The following IGSF11 variants were observed in gnomAD, a reference collection of about 807,000 sequenced individuals.
The protein encoded by IGSF11 is CXADR like 1.
IGSF11 carries 22 observed loss-of-function variants against 41.0 expected under a neutral mutation model. That is an observed-to-expected ratio of 0.54 (90% CI 0.38 to 0.77). IGSF11 has a LOEUF of 0.77. IGSF11 is among the 30% of genes least tolerant of loss of function. IGSF11 has a pLI of 0.00. For synonymous variants in IGSF11, 219 were observed against 201.3 expected, an observed-to-expected ratio of 1.09 and a Z score of -0.74; for missense variants, 444 against 530.8, an observed-to-expected ratio of 0.84 and a Z score of 1.61.
intron 1 of IGSF11, among the ~76,000 whole-genome samples, chr3:119,010,499 G>C (rs1937988891): frequency 6.6e-6 from 1 of 152,206 alleles, no homozygotes; most frequent in Non-Finnish European, 1.5e-5. Context: ...AAAGAAGATG[G>C]CTCTTCCTTA....
rs1357496982 is a variant in IGSF11 at position 118,901,749 on chromosome 3, T to C, written c.*771A>G. On this transcript the variant is annotated 3_prime_UTR_variant, in exon 7 of 7. Transcript: ENST00000393775. ...CTTAGCCCAATGCCTCTCATGTATTTAAAAAAAAAAAAAAGCCTTTTATAA... is the reference window on the plus strand; with the variant it reads ...CTTAGCCCAATGCCTCTCATGTATTCAAAAAAAAAAAAAAGCCTTTTATAA... 7.0e-6 allele frequency: 1 copy of C among 142,566 alleles called. No individual in the cohort carries two copies. Among genetic ancestry groups the C allele is most frequent in the African/African-American group, 2.5e-5 (1 of 39,312 alleles). The allele number at this position is 142,566 out of a possible 1,614,324, so 8.8% of individuals were successfully genotyped here.
At chr3:118,916,791 C>T (rs1001143930) in intron 4 of IGSF11, among the ~76,000 whole-genome samples, 1 of 151,896 alleles carries the variant, frequency 6.6e-6, no homozygotes, top group African/African-American at 2.4e-5. Context: ...CACCCCAAAT[C>T]AACAGAATAT....
chr3:119,138,639 T>C (rs908614590), intron 1 of IGSF11, among the ~76,000 whole-genome samples: 4 of 152,182 alleles, frequency 2.6e-5, no homozygotes, highest in East Asian at 1.9e-4. Context: ...GAGCTGAGAT[T>C]GTTCCACTGC....
intron 1 of IGSF11, among the ~76,000 whole-genome samples, chr3:119,065,680 C>A (rs1347412616): frequency 1.3e-5 from 2 of 151,200 alleles, no homozygotes; most frequent in East Asian, 3.9e-4. Context: ...GTAATCCCAG[C>A]TACTCGGGAG....
At position 118,902,206 on chromosome 3, in the gene IGSF11, A is replaced by G. The variant is rs1938948679; in HGVS notation, c.*314T>C. 1 of 243,638 alleles carries G rather than the reference A, an allele frequency of 4.1e-6. No individual in the cohort carries two copies. Among genetic ancestry groups the G allele is most frequent in the Non-Finnish European group, 7.9e-6 (1 of 126,002 alleles). The allele number at this position is 243,638 out of a possible 1,614,324, so 15.1% of individuals were successfully genotyped here. A position where few individuals can be genotyped will look rare whatever the true frequency, so the allele number is the denominator to read the frequency against. On this transcript the variant is annotated 3_prime_UTR_variant, in exon 7 of 7. Coordinates refer to ENST00000393775, the MANE Select transcript of IGSF11 (RefSeq NM_001015887.3). ...AAAAATTATTAAGTTAGGCATGAAG[A>G]ACAAGCCCATCTGGGCGGCAGTTTG...
At chr3:119,089,035 T>C (rs189143174) in intron 1 of IGSF11, among the ~76,000 whole-genome samples, 1 of 152,236 alleles carries the variant, frequency 6.6e-6, no homozygotes, top group Non-Finnish European at 1.5e-5. Flanking sequence ...CTGCTGAAAC[T>C]ATTCAAAAAA....
At chr3:118,939,868 A>T (rs1269742247) in intron 1 of IGSF11, among the ~76,000 whole-genome samples, 1 of 152,188 alleles carries the variant, frequency 6.6e-6, no homozygotes, top group Non-Finnish European at 1.5e-5. Flanking sequence ...GACAGAGTAG[A>T]ATTCAATAAA....
At chr3:118,966,060 T>G (rs560373653) in intron 1 of IGSF11, among the ~76,000 whole-genome samples, 3 of 151,028 alleles carry the variant, frequency 2.0e-5, no homozygotes, top group African/African-American at 7.3e-5. Context: ...ACTACAATAG[T>G]AGTTAATCCA....
intron 1 of IGSF11, among the ~76,000 whole-genome samples, chr3:119,083,212 C>T (rs767937036): frequency 5.4e-5 from 8 of 148,170 alleles, no homozygotes; most frequent in Non-Finnish European, 1.2e-4. Flanking sequence ...GCTGCGGCCT[C>T]GACTTCGTGG....
intron 1 of IGSF11, among the ~76,000 whole-genome samples, chr3:119,064,739 T>C (rs1942169516): frequency 6.6e-6 from 1 of 152,138 alleles, no homozygotes; most frequent in Non-Finnish European, 1.5e-5. Context: ...TTGTTCCTTT[T>C]TAATTAAATT....
At chr3:118,938,700 G>C (rs1943463457) in intron 1 of IGSF11, among the ~76,000 whole-genome samples, 1 of 152,138 alleles carries the variant, frequency 6.6e-6, no homozygotes, top group South Asian at 2.1e-4. Flanking sequence ...GATTGTACCA[G>C]AAATCAGCAT....
chr3:118,904,197 A>G (rs1939290476), intron 6 of IGSF11, among the ~76,000 whole-genome samples: 1 of 152,188 alleles, frequency 6.6e-6, no homozygotes, highest in Non-Finnish European at 1.5e-5. Context: ...TTGTTTTCTT[A>G]AGATGTTCAT....
intron 4 of IGSF11, among the ~76,000 whole-genome samples, chr3:118,923,954 T>C (rs961574887): frequency 1.3e-5 from 2 of 152,184 alleles, no homozygotes; most frequent in African/African-American, 4.8e-5. Context: ...TTTTTTGTCA[T>C]TAATAAGCAA....
Position 118,928,659 on chromosome 3 carries a change from C to A in IGSF11, c.274G>T (p.Val92Leu). ...GCTGGCATGGTGCCTGTAAATCCTACCCTACCGTGGAACCGGGGGGCACCA... is the reference window on the plus strand; with the variant it reads ...GCTGGCATGGTGCCTGTAAATCCTAACCTACCGTGGAACCGGGGGGCACCA... ...FDGAPRFHGR[V>L]GFTGTMPATN... Residue 92 changes from valine (V) to leucine (L), a missense_variant, in exon 3 of 7, where the codon GTA (valine) becomes TTA (leucine). Transcript: ENST00000393775. 1 of 1,614,064 alleles carries A rather than the reference C, an allele frequency of 6.2e-7. No individual in the cohort carries two copies. The highest frequency in any genetic ancestry group is 8.5e-7 in the Non-Finnish European group (1 of 1,179,982).
At chr3:119,018,076 A>G (rs943619498) in intron 1 of IGSF11, among the ~76,000 whole-genome samples, 11 of 152,322 alleles carry the variant, frequency 7.2e-5, no homozygotes, top group Admixed American at 3.9e-4. Flanking sequence ...GGTAATCTCT[A>G]AAACAGGATT....
intron 1 of IGSF11, among the ~76,000 whole-genome samples, chr3:119,018,216 G>GATAGAGGT (rs767917958): frequency 8.9e-4 from 135 of 152,350 alleles, no homozygotes; most frequent in Non-Finnish European, 1.7e-3. Context: ...GCAAGGCAGA[G>GATAGAGGT]ATAGAGGTAA....
At chr3:118,919,005 G>A (rs1265637738) in intron 4 of IGSF11, among the ~76,000 whole-genome samples, 1 of 124,544 alleles carries the variant, frequency 8.0e-6, no homozygotes. Context: ...ACAAGCAATG[G>A]GGAAAGGATT....
At chr3:119,077,526 A>G (rs999314985) in intron 1 of IGSF11, among the ~76,000 whole-genome samples, 1 of 152,140 alleles carries the variant, frequency 6.6e-6, no homozygotes, top group Non-Finnish European at 1.5e-5. Flanking sequence ...TCAAAGGAAT[A>G]TACCTCAAAA....
At chr3:119,006,292 C>T (rs1187805158) in intron 1 of IGSF11, among the ~76,000 whole-genome samples, 6 of 109,840 alleles carry the variant, frequency 5.5e-5, no homozygotes, top group Non-Finnish European at 1.0e-4. Context: ...ACGTAGTTCT[C>T]GAGCCTTGGT....
Sources: allele counts gnomAD v4.1 joint callset (sites outside exome capture counted in the v4.1 genomes callset), GRCh38; gene constraint gnomAD v4.1.1; transcripts MANE v1.5; gene names NCBI Gene and HGNC (gene_info 2026-07-23, HGNC 2026-07-21).